The following RTN3 variants were observed in gnomAD, a reference collection of about 807,000 sequenced individuals.
RTN3 encodes reticulon-3.
In RTN3, 49 loss-of-function variants were observed where a neutral mutation model predicts 77.8. That is an observed-to-expected ratio of 0.63 (90% CI 0.50 to 0.80). RTN3 has a LOEUF of 0.80. Ranked by LOEUF, RTN3 falls within the 30% of genes least tolerant of loss-of-function variation. The probability of loss-of-function intolerance (pLI) is 0.00; values close to 1 mark genes in which losing one functional copy is unlikely to be tolerated. For synonymous variants in RTN3, 464 were observed against 446.9 expected, an observed-to-expected ratio of 1.04 and a Z score of -0.48; for missense variants, 1,236 against 1,211.9, an observed-to-expected ratio of 1.02 and a Z score of -0.29.
At chr11:63,728,018 G>A (rs1360456831) in intron 3 of RTN3, among the ~76,000 whole-genome samples, 2 of 152,142 alleles carry the variant, frequency 1.3e-5, no homozygotes, top group Non-Finnish European at 2.9e-5. Flanking sequence ...TTTGCTAGAA[G>A]GACCCATAGG....
chr11:63,696,881 C>CTT (rs1193148114), intron 1 of RTN3, among the ~76,000 whole-genome samples: 66 of 16,508 alleles, frequency 4.0e-3, no homozygotes, highest in East Asian at 0.022. Flanking sequence ...TTCTTTCTTT[C>CTT]TTTTTTTTTT....
intron 3 of RTN3, among the ~76,000 whole-genome samples, chr11:63,731,235 C>T (rs916796679): frequency 4.0e-5 from 6 of 151,880 alleles, no homozygotes; most frequent in Non-Finnish European, 8.8e-5. Flanking sequence ...CGCGTACCAC[C>T]ACGCCCACTA....
chr11:63,712,646 C>T (rs759562661), intron 2 of RTN3, among the ~76,000 whole-genome samples: 19 of 151,768 alleles, frequency 1.3e-4, no homozygotes, highest in Non-Finnish European at 2.5e-4. Context: ...CCACCACACT[C>T]GGCTAATTTT....
chr11:63,686,830 TAAAA>T (rs963111637), intron 1 of RTN3, among the ~76,000 whole-genome samples: 3 of 151,356 alleles, frequency 2.0e-5, no homozygotes, highest in Non-Finnish European at 4.4e-5. Context: ...GAACTTGTCT[TAAAA>T]AAAAGAAAAG....
chr11:63,686,951 G>A (rs1003019521), intron 1 of RTN3, among the ~76,000 whole-genome samples: 6 of 152,282 alleles, frequency 3.9e-5, no homozygotes, highest in Non-Finnish European at 7.4e-5. Flanking sequence ...TTTGAAAAAG[G>A]TTTTGCTTTA....
chr11:63,715,719 G>A (rs7127454), intron 2 of RTN3, among the ~76,000 whole-genome samples: 16,635 of 152,156 alleles, frequency 0.11, 1,031 homozygotes, highest in South Asian at 0.16. Context: ...GTGGGGTGGA[G>A]TCAGTTTGAC....
chr11:63,721,111 G>A, intron 3 of RTN3, 79 bp downstream of exon 3: 1 of 1,247,452 alleles, frequency 8.0e-7, no homozygotes. Flanking sequence ...ATGTTAGTCT[G>A]ATTTATACCT....
chr11:63,749,015 C>T (rs1357494020), intron 3 of RTN3, among the ~76,000 whole-genome samples: 5 of 150,928 alleles, frequency 3.3e-5, no homozygotes, highest in Non-Finnish European at 5.9e-5. Flanking sequence ...GGCATGGTGG[C>T]TCATGCCTGT....
In RTN3 at chr11:63,726,322, A is replaced by G. The variant is rs2012258742; in HGVS notation, c.2530+5290A>G. ...TATTTTTACTGCTTTTAGCTAGAGG[A>G]CAGGCTGAAGTGGGCACCTGACAGG... On this transcript the variant is annotated intron_variant, in intron 3 of 8. Coordinates refer to ENST00000377819, the MANE Select transcript of RTN3 (RefSeq NM_001265589.2). Among the ~76,000 whole-genome samples the G allele has an allele frequency of 2.0e-5, 3 of 152,220 alleles. No individual in the cohort carries two copies. The South Asian group carries it at 6.2e-4, about 32-fold the overall frequency.
rs747798796 is a variant in RTN3 at position 63,720,196 on chromosome 11, A to C, written c.1694A>C (p.His565Pro). Residue 565 changes from histidine (H) to proline (P), a missense_variant, in exon 3 of 9, where the codon CAT (histidine) becomes CCT (proline). By Grantham distance (77) the His-to-Pro change is moderately conservative. This residue lies in a region of RTN3 where 1,056 missense variants were observed against 990.4 expected (regional missense o/e 1.07). Coordinates refer to ENST00000377819, the MANE Select transcript of RTN3 (RefSeq NM_001265589.2). ...FEELVSDSEL[H>P]QDQPDILGRS... is the part of the protein sequence containing the mutation. Reference sequence around the variant, plus strand: ...GAATTGGTCAGTGACTCTGAGCTGCATCAAGATCAGCCTGATATTCTTGGA... The same window carrying C: ...GAATTGGTCAGTGACTCTGAGCTGCCTCAAGATCAGCCTGATATTCTTGGA... The C allele has an allele frequency of 1.4e-5, 22 of 1,614,098 alleles. No homozygotes were observed. In the South Asian group the frequency reaches 2.0e-4, roughly 14 times the overall value.
At chr11:63,753,922 T>G (rs950586001) in intron 7 of RTN3, among the ~76,000 whole-genome samples, 3 of 152,236 alleles carry the variant, frequency 2.0e-5, no homozygotes, top group Non-Finnish European at 4.4e-5. Context: ...AAAGAGAAAC[T>G]TCCTTTTTAT....
rs1388173410 is a variant in RTN3 at position 63,681,658 on chromosome 11, A to G, written c.22A>G (p.Thr8Ala). Residue 8 changes from threonine (T) to alanine (A), a missense_variant, in exon 1 of 9, where the codon ACT becomes GCT. Thr to Ala is a moderately conservative substitution (Grantham distance 58). Coordinates refer to ENST00000377819, the MANE Select transcript of RTN3 (RefSeq NM_001265589.2). The stretch of plus-strand genomic sequence containing the variant: ...AGCCATGGCGGAGCCGTCGGCGGCC[A>G]CTCAGTCCCATTCCATCTCCTCGTC... MAEPSAA[T>A]QSHSISSSSF... 2 of 1,605,022 alleles carry G rather than the reference A, an allele frequency of 1.2e-6. No homozygotes were observed. The highest frequency in any genetic ancestry group is 1.7e-5 in the Admixed American group (1 of 58,768).
intron 5 of RTN3, among the ~76,000 whole-genome samples, 158 bp downstream of exon 5, chr11:63,752,803 T>C (rs972938120): frequency 1.3e-5 from 2 of 152,200 alleles, no homozygotes; most frequent in Non-Finnish European, 2.9e-5. Context: ...GAGAAAGGTA[T>C]AGCCTTCTGC....
chr11:63,737,186 T>A (rs2013182482), intron 3 of RTN3, among the ~76,000 whole-genome samples: 1 of 152,080 alleles, frequency 6.6e-6, no homozygotes, highest in South Asian at 2.1e-4. Context: ...TGTGCAGAAA[T>A]TAAAATGAAT....
chr11:63,697,388 C>T (rs187580433), intron 1 of RTN3, among the ~76,000 whole-genome samples: 3 of 151,926 alleles, frequency 2.0e-5, no homozygotes. Context: ...TCACTGCAAC[C>T]TCCGTGTCCC....
intron 1 of RTN3, among the ~76,000 whole-genome samples, chr11:63,694,213 G>A (rs1290204368): frequency 6.7e-6 from 1 of 150,066 alleles, no homozygotes; most frequent in Non-Finnish European, 1.5e-5. Flanking sequence ...TTTTGTTCTT[G>A]TTGCCCAGGC....
At chr11:63,727,096 G>T (rs2012337208) in intron 3 of RTN3, among the ~76,000 whole-genome samples, 1 of 152,004 alleles carries the variant, frequency 6.6e-6, no homozygotes, top group South Asian at 2.1e-4. Context: ...GAGGTCAGGG[G>T]TGCAGATCGC....
chr11:63,684,372 C>T (rs943773835), intron 1 of RTN3, among the ~76,000 whole-genome samples: 2 of 152,088 alleles, frequency 1.3e-5, no homozygotes, highest in Non-Finnish European at 2.9e-5. Context: ...TGGTCTTGAT[C>T]TCCTGACCTC....
chr11:63,736,034 A>G (rs1190278994), intron 3 of RTN3, among the ~76,000 whole-genome samples: 1 of 152,220 alleles, frequency 6.6e-6, no homozygotes, highest in African/African-American at 2.4e-5. Flanking sequence ...TTCATGGATC[A>G]GCATTCTAGG....
Sources: gnomAD v4.1 joint callset for allele counts (sites outside exome capture counted in the v4.1 genomes callset) on GRCh38, gnomAD v4.1.1 for gene constraint, gnomAD v4.1.1 regional missense constraint, MANE v1.5 for transcripts, NCBI Gene and HGNC (gene_info 2026-07-23, HGNC 2026-07-21) for gene names.